SLC25A48: variants seen among roughly 807,000 people sequenced by gnomAD.
SLC25A48 encodes solute carrier family 25 member 48, also known as CTC-321K16.1.
Under a neutral mutation model 32.2 loss-of-function variants are expected in SLC25A48, and 29 were observed. The ratio of observed to expected loss-of-function variants is 0.90; its 90% CI spans 0.67 to 1.23. The LOEUF is 1.23. Ranked by LOEUF, SLC25A48 falls within the 50% of genes most tolerant of loss-of-function variation. The pLI is 0.00. For missense variants in SLC25A48, 399 were observed against 422.7 expected (o/e 0.94, Z 0.49); for synonymous variants, 164 against 172.3 (o/e 0.95, Z 0.38).
At chr5:135,816,474 A>G (rs1305685450) in intron 4 of SLC25A48, among the ~76,000 whole-genome samples, 1 of 152,164 alleles carries the variant, frequency 6.6e-6, no homozygotes, top group Non-Finnish European at 1.5e-5. Flanking sequence ...GCCATTTGCT[A>G]CTGTCTATTA....
intron 3 of SLC25A48, among the ~76,000 whole-genome samples, chr5:135,690,361 C>T (rs1326775721): frequency 6.6e-6 from 1 of 152,106 alleles, no homozygotes; most frequent in Non-Finnish European, 1.5e-5. Context: ...ACAAAGCCAG[C>T]ATAAGCCAAA....
chr5:135,800,775 G>T (rs1019549709), intron 3 of SLC25A48, among the ~76,000 whole-genome samples: 1 of 151,584 alleles, frequency 6.6e-6, no homozygotes, highest in Admixed American at 6.6e-5. Flanking sequence ...GCTGTGAAAT[G>T]GTTTGTAAGA....
intron 3 of SLC25A48, among the ~76,000 whole-genome samples, chr5:135,740,170 A>ATG (rs757699939): frequency 5.1e-4 from 77 of 151,238 alleles, no homozygotes; most frequent in Admixed American, 1.1e-3. Flanking sequence ...GTGTGTGTGC[A>ATG]TGTGTGTGTG....
At position 135,806,588 on chromosome 5, in the gene SLC25A48, T is replaced by G. The variant is rs528844809; in HGVS notation, c.-520-5935T>G. Among the ~76,000 whole-genome samples the G allele has an allele frequency of 2.1e-3, 321 of 149,890 alleles. 1 individual carries two copies. Among genetic ancestry groups the G allele is most frequent in the African/African-American group, 7.5e-3 (301 of 40,386 alleles). On this transcript the variant is annotated intron_variant, in intron 3 of 10. Coordinates refer to the SLC25A48 transcript ENST00000646290. Reference sequence around the variant, plus strand: ...CACTAGATGTTATAAATATCATTGATTTTTTAATATCATAGTGTTTTCACT... The same window carrying G: ...CACTAGATGTTATAAATATCATTGAGTTTTTAATATCATAGTGTTTTCACT...
At chr5:135,651,131 A>C (rs1012439776) in intron 3 of SLC25A48, among the ~76,000 whole-genome samples, 5 of 152,132 alleles carry the variant, frequency 3.3e-5, no homozygotes, top group Non-Finnish European at 7.4e-5. Flanking sequence ...GGTTCCCATG[A>C]GCCTGGTCCA....
intron 3 of SLC25A48, among the ~76,000 whole-genome samples, chr5:135,790,918 CG>C (rs1414929564): frequency 6.0e-5 from 9 of 151,108 alleles, no homozygotes; most frequent in Non-Finnish European, 7.4e-5. Context: ...AGTTGGTGTT[CG>C]GGGGATGTTG....
chr5:135,723,380 T>TCTCACACACACA (rs1356362581), intron 3 of SLC25A48, among the ~76,000 whole-genome samples: 33 of 111,758 alleles, frequency 3.0e-4, no homozygotes, highest in South Asian at 9.1e-4. Flanking sequence ...TCTCTCTCTC[T>TCTCACACACACA]CACACACACA....
intron 7 of SLC25A48, among the ~76,000 whole-genome samples, chr5:135,885,097 A>T (rs1358154637): frequency 1.3e-5 from 2 of 152,110 alleles, no homozygotes; most frequent in African/African-American, 4.8e-5. Context: ...AGCCATGATG[A>T]TGGCTATTTT....
intron 1 of SLC25A48, among the ~76,000 whole-genome samples, chr5:135,595,110 C>A (rs1580708957): frequency 6.6e-6 from 1 of 152,164 alleles, no homozygotes; most frequent in Non-Finnish European, 1.5e-5. Flanking sequence ...CTGGTGGAGG[C>A]AGGTGGAGCC....
intron 3 of SLC25A48, chr5:135,650,317 G>A (rs801560): frequency 0.82 from 349,099 of 426,708 alleles, 143,408 homozygotes; most frequent in East Asian, 1. Flanking sequence ...TCCTTGACTG[G>A]TACACTCCAA....
At chr5:135,794,158 A>G (rs1178509249) in intron 3 of SLC25A48, among the ~76,000 whole-genome samples, 1 of 151,794 alleles carries the variant, frequency 6.6e-6, no homozygotes. Flanking sequence ...ATTGTTCCTA[A>G]TATCCATGAA....
intron 6 of SLC25A48, chr5:135,874,945 A>T (rs1043094694): frequency 2.4e-6 from 1 of 417,682 alleles, no homozygotes. Flanking sequence ...AGCTGGCAGG[A>T]TCCAAGCAAG....
At chr5:135,843,700 A>G (rs78365478) in intron 2 of SLC25A48, among the ~76,000 whole-genome samples, 6,760 of 152,312 alleles carry the variant, frequency 0.044, 502 homozygotes, top group African/African-American at 0.15. Context: ...AGTGCTATTC[A>G]CAGAGGGACA....
upstream of SLC25A48, chr5:135,579,183 C>G: frequency 3.2e-6 from 1 of 308,596 alleles, no homozygotes; most frequent in Non-Finnish European, 5.9e-6. Flanking sequence ...CACCCGGAGC[C>G]ACGCGCGCAC....
upstream of SLC25A48, chr5:135,579,193 C>G (rs1249204072): frequency 4.4e-5 from 13 of 296,000 alleles, no homozygotes; most frequent in Non-Finnish European, 7.5e-5. Flanking sequence ...CACGCGCGCA[C>G]ACGCACACAC....
chr5:135,668,024 CTCTCTGAA>C (rs541599724), intron 3 of SLC25A48, among the ~76,000 whole-genome samples: 8 of 152,248 alleles, frequency 5.3e-5, no homozygotes, highest in African/African-American at 1.9e-4. Flanking sequence ...TAGTCCTGGC[CTCTCTGAA>C]AGTTGTAGCA....
At chr5:135,873,708 G>C (rs533928656) in intron 5 of SLC25A48, among the ~76,000 whole-genome samples, 233 of 152,286 alleles carry the variant, frequency 1.5e-3, no homozygotes, top group Middle Eastern at 0.01. Context: ...TCGAGCACTG[G>C]CTGTGGACTG....
chr5:135,834,735 G>A lies in SLC25A48; in HGVS notation c.-113G>A. On this transcript the variant is annotated 5_prime_UTR_variant, in exon 1 of 8. The change creates a new upstream start codon in the 5' untranslated region. Transcript: ENST00000681962. The stretch of plus-strand genomic sequence containing the variant: ...CTGGGTTTGGAGTAGGACCTGCGGC[G>A]TGCTCGAGACTCCGACTTCGGTCTT... 2 of 1,181,742 alleles carry A rather than the reference G, an allele frequency of 1.7e-6. No individual in the cohort carries two copies. Among genetic ancestry groups the A allele is most frequent in the South Asian group, 1.6e-5 (1 of 63,600 alleles). The allele number at this position is 1,181,742 out of a possible 1,614,324, so 73.2% of individuals were successfully genotyped here. A position where few individuals can be genotyped will look rare whatever the true frequency, so the allele number is the denominator to read the frequency against.
At chr5:135,808,456 C>T (rs1561503188) in intron 3 of SLC25A48, among the ~76,000 whole-genome samples, 3 of 152,068 alleles carry the variant, frequency 2.0e-5, no homozygotes, top group Admixed American at 6.6e-5. Context: ...TTTTTTCCCT[C>T]ACCTCCCCCC....
Sources: allele counts gnomAD v4.1 joint callset (sites outside exome capture counted in the v4.1 genomes callset), GRCh38; gene constraint gnomAD v4.1.1; transcripts MANE v1.5; gene names NCBI Gene and HGNC (gene_info 2026-07-23, HGNC 2026-07-21).